Variants in KRR1 observed in about 807,000 individuals in gnomAD.
The protein encoded by KRR1 is KRR1 small subunit processome component.
KRR1 carries 23 observed loss-of-function variants against 50.0 expected under a neutral mutation model. The ratio of observed to expected loss-of-function variants is 0.46; its 90% CI spans 0.33 to 0.65. The LOEUF (loss-of-function observed/expected upper bound fraction) is 0.65, where lower values mean the gene tolerates loss of function less well. KRR1 is among the 30% of genes least tolerant of loss of function. The pLI is 0.02. For missense variants in KRR1, 419 were observed against 442.4 expected (o/e 0.95, Z 0.47); for synonymous variants, 133 against 146.3 (o/e 0.91, Z 0.66).
Position 75,496,233 on chromosome 12 carries a change from T to TA in KRR1, c.*3575dup, listed in dbSNP as rs2046351002. On this transcript the variant is annotated 3_prime_UTR_variant, in exon 10 of 10. Coordinates refer to ENST00000229214, the MANE Select transcript of KRR1 (RefSeq NM_007043.7). ...AGCTGGGTGTGGTGGTGGACGCCCG[T>TA]AACCCCAGCTACTCAGGAGGCTGAG... is the stretch of plus-strand genomic sequence containing the variant. 1 of 152,104 alleles carries TA rather than the reference T, an allele frequency of 6.6e-6. No individual in the cohort carries two copies. The highest frequency in any genetic ancestry group is 6.6e-5 in the Admixed American group (1 of 15,232). The allele number at this position is 152,104 out of a possible 1,614,324, so 9.4% of individuals were successfully genotyped here. A position where few individuals can be genotyped will look rare whatever the true frequency, so the allele number is the denominator to read the frequency against.
intron 1 of KRR1, among the ~76,000 whole-genome samples, chr12:75,510,750 C>T (rs745633994): frequency 6.6e-6 from 1 of 152,134 alleles, no homozygotes; most frequent in Non-Finnish European, 1.5e-5. Flanking sequence ...TTATTAAACT[C>T]TATATAAGTT....
Position 75,506,775 on chromosome 12 carries a change from G to C in KRR1, c.393+7C>G, listed in dbSNP as rs770689554. 6.8e-6 allele frequency: 11 copies of C among 1,607,988 alleles called. No individual in the cohort carries two copies. The highest frequency in any genetic ancestry group is 1.1e-5 in the South Asian group (1 of 89,870). The stretch of plus-strand genomic sequence containing the variant: ...ACAAAGCAAAGTCTCTGTAATTCTA[G>C]ATTTACCTGTTCAAATGAAACACTC... On this transcript the variant is annotated splice_region_variant and intron_variant, in intron 3 of 9. Coordinates refer to ENST00000229214, the MANE Select transcript of KRR1 (RefSeq NM_007043.7).
rs550222761 is a variant in KRR1 at position 75,502,302 on chromosome 12, A to C, written c.832-302T>G. 65 of 245,898 alleles carry C rather than the reference A, an allele frequency of 2.6e-4. 1 individual carries two copies. Among genetic ancestry groups the C allele is most frequent in the Admixed American group, 8.7e-4 (17 of 19,518 alleles). 15.2% of individuals were successfully genotyped at this position (245,898 alleles called of 1,614,324 possible). On this transcript the variant is annotated intron_variant, in intron 7 of 9. Transcript: ENST00000229214. ...AGAGAGTTTTGGGGAAAATTTGAAG[A>C]AGCTTCAATGGCAGACAAAGTAGGA...
At chr12:75,506,185 G>C (rs962769716) in intron 5 of KRR1, 131 bp downstream of exon 5, 13 of 613,096 alleles carry the variant, frequency 2.1e-5, no homozygotes, top group Non-Finnish European at 3.5e-5. Context: ...GACATAAAAA[G>C]TATTTACTAA....
chr12:75,503,589 A>G (rs2046408618), intron 7 of KRR1: 1 of 187,974 alleles, frequency 5.3e-6, no homozygotes, highest in Admixed American at 6.1e-5. Context: ...CACAGTCACA[A>G]TAATGTTGCC....
rs2046337703 is a variant in KRR1, at chr12:75,494,186, A to G, written c.*5623T>C. The G allele has an allele frequency of 6.6e-6, 1 of 152,222 alleles. No homozygotes were observed. Among genetic ancestry groups the G allele is most frequent in the South Asian group, 2.1e-4 (1 of 4,838 alleles). The allele number at this position is 152,222 out of a possible 1,614,324, so 9.4% of individuals were successfully genotyped here. A position where few individuals can be genotyped will look rare whatever the true frequency, so the allele number is the denominator to read the frequency against. On this transcript the variant is annotated 3_prime_UTR_variant, in exon 10 of 10. Coordinates refer to ENST00000229214, the MANE Select transcript of KRR1 (RefSeq NM_007043.7). Reference sequence around the variant, plus strand: ...GGGGTTGGAAATAAGGTATCGTTATAAAGTTGTGTGTCTAAGGTGAGAGTT... The same window carrying G: ...GGGGTTGGAAATAAGGTATCGTTATGAAGTTGTGTGTCTAAGGTGAGAGTT...
At position 75,494,212 on chromosome 12, in the gene KRR1, C is replaced by G. The variant is rs1373690207; in HGVS notation, c.*5597G>C. The G allele has an allele frequency of 6.6e-6, 1 of 152,122 alleles. No homozygotes were observed. Among genetic ancestry groups the G allele is most frequent in the African/African-American group, 2.4e-5 (1 of 41,422 alleles). The allele number at this position is 152,122 out of a possible 1,614,324, so 9.4% of individuals were successfully genotyped here. A position where few individuals can be genotyped will look rare whatever the true frequency, so the allele number is the denominator to read the frequency against. ...AAGTTGTGTGTCTAAGGTGAGAGTT[C>G]TCAACTTTGGAGGTAATTGTAGAGT... On this transcript the variant is annotated 3_prime_UTR_variant, in exon 10 of 10. Coordinates refer to ENST00000229214, the MANE Select transcript of KRR1 (RefSeq NM_007043.7).
At chr12:75,507,422 C>T (rs1279058877) in intron 2 of KRR1, among the ~76,000 whole-genome samples, 1 of 152,142 alleles carries the variant, frequency 6.6e-6, no homozygotes, top group African/African-American at 2.4e-5. Context: ...CATTAACTTT[C>T]AACAGGAAAA....
At chr12:75,502,915 A>G (rs1036674978) in intron 7 of KRR1, 1 of 151,968 alleles carries the variant, frequency 6.6e-6, no homozygotes, top group African/African-American at 2.4e-5. Flanking sequence ...CAAAACTTCC[A>G]TTGTTTTTTC....
intron 6 of KRR1, 130 bp from the exon 7 acceptor site, chr12:75,504,204 C>G (rs988437031): frequency 7.4e-6 from 4 of 541,232 alleles, no homozygotes; most frequent in Non-Finnish European, 1.2e-5. Flanking sequence ...GAAATTAAAC[C>G]AATTACATAA....
In KRR1 at chr12:75,495,803, T is replaced by C. The variant is rs978365525; in HGVS notation, c.*4006A>G. ...TCAAGTAGCAATTAAACCAATGGCT[T>C]ACTGTTCTAGGAATACATTTAAGAG... is the stretch of plus-strand genomic sequence containing the variant. On this transcript the variant is annotated 3_prime_UTR_variant, in exon 10 of 10. Transcript: ENST00000229214. 1 of 558,204 alleles carries C rather than the reference T, an allele frequency of 1.8e-6. No individual in the cohort carries two copies. Among genetic ancestry groups the C allele is most frequent in the Admixed American group, 2.9e-5 (1 of 34,500 alleles). The allele number at this position is 558,204 out of a possible 1,614,324, so 34.6% of individuals were successfully genotyped here.
chr12:75,498,849 C>A lies in KRR1; in HGVS notation c.*960G>T. ...GTTACTACTCTGTTGTATATCCAGG[C>A]TGGCCCATATATCCACGTAACAGAT... On this transcript the variant is annotated 3_prime_UTR_variant, in exon 10 of 10. Transcript: ENST00000229214. The A allele has an allele frequency of 6.2e-7, 1 of 1,612,260 alleles. No homozygotes were observed. The highest frequency in any genetic ancestry group is 1.1e-5 in the South Asian group (1 of 90,968).
At position 75,496,386 on chromosome 12, in the gene KRR1, T is replaced by C. The variant is rs975179459; in HGVS notation, c.*3423A>G. 6.6e-6 allele frequency: 1 copy of C among 151,974 alleles called. No homozygotes were observed. The highest frequency in any genetic ancestry group is 1.5e-5 in the Non-Finnish European group (1 of 67,990). 9.4% of individuals were successfully genotyped at this position (151,974 alleles called of 1,614,324 possible). A position where few individuals can be genotyped will look rare whatever the true frequency, so the allele number is the denominator to read the frequency against. On this transcript the variant is annotated 3_prime_UTR_variant, in exon 10 of 10. Transcript: ENST00000229214. ...ATGAAAATAAAATAAAGCTGCAACA[T>C]GGCACTTTTTATTAGCCAGACAGCA...
In KRR1 at chr12:75,499,777, GA is replaced by G; in HGVS notation, c.*31del. 1 of 1,528,788 alleles carries G rather than the reference GA, an allele frequency of 6.5e-7. No individual in the cohort carries two copies. The highest frequency in any genetic ancestry group is 1.2e-5 in the South Asian group (1 of 80,376). 94.7% of individuals were successfully genotyped at this position (1,528,788 alleles called of 1,614,324 possible). On this transcript the variant is annotated 3_prime_UTR_variant, in exon 10 of 10. Coordinates refer to ENST00000229214, the MANE Select transcript of KRR1 (RefSeq NM_007043.7). ...GATATCTCAAAATCCTTTACAAAAGGAGATAGTTCTAGTCAAGGAGTTTTGG... is the reference window on the plus strand; with the variant it reads ...GATATCTCAAAATCCTTTACAAAAGGGATAGTTCTAGTCAAGGAGTTTTGG...
rs1023522122 is a variant in KRR1, at chr12:75,497,213, A to T, written c.*2596T>A. 3.9e-5 allele frequency: 6 copies of T among 152,202 alleles called. No individual in the cohort carries two copies. Among genetic ancestry groups the T allele is most frequent in the Admixed American group, 6.5e-5 (1 of 15,268 alleles). 9.4% of individuals were successfully genotyped at this position (152,202 alleles called of 1,614,324 possible). Reference sequence around the variant, plus strand: ...CCCAGTGAAAAAAATGTTTCCCTTTAAAAATCTAGGCAATTAGTAACACTA... The same window carrying T: ...CCCAGTGAAAAAAATGTTTCCCTTTTAAAATCTAGGCAATTAGTAACACTA... On this transcript the variant is annotated 3_prime_UTR_variant, in exon 10 of 10. Transcript: ENST00000229214.
chr12:75,496,202 A>T lies in KRR1; in HGVS notation c.*3607T>A, dbSNP rs2046350781. ...AAAAACCCCCTCTACTAAAAATACA[A>T]AAACTAGCTGGGTGTGGTGGTGGAC... On this transcript the variant is annotated 3_prime_UTR_variant, in exon 10 of 10. Transcript: ENST00000229214. 1 of 152,020 alleles carries T rather than the reference A, an allele frequency of 6.6e-6. No homozygotes were observed. Among genetic ancestry groups the T allele is most frequent in the Non-Finnish European group, 1.5e-5 (1 of 68,182 alleles). The allele number at this position is 152,020 out of a possible 1,614,324, so 9.4% of individuals were successfully genotyped here.
At chr12:75,510,887 A>G (rs949140917) in intron 1 of KRR1, among the ~76,000 whole-genome samples, 24 of 152,236 alleles carry the variant, frequency 1.6e-4, no homozygotes, top group African/African-American at 5.5e-4. Flanking sequence ...CTGGTTGAAC[A>G]GATCCCCAGG....
At chr12:75,503,684 A>G in intron 7 of KRR1, 1 of 363,408 alleles carries the variant, frequency 2.8e-6, no homozygotes, top group African/African-American at 2.1e-5. Flanking sequence ...AACCTCCTGG[A>G]TGCAGTTTAT....
intron 2 of KRR1, among the ~76,000 whole-genome samples, chr12:75,507,613 A>G (rs2046428006): frequency 6.6e-6 from 1 of 152,158 alleles, no homozygotes; most frequent in Non-Finnish European, 1.5e-5. Context: ...CAGCTTGCTG[A>G]GCCACCTTCA....
Sources: gnomAD v4.1 joint callset for allele counts (sites outside exome capture counted in the v4.1 genomes callset) on GRCh38, gnomAD v4.1.1 for gene constraint, MANE v1.5 for transcripts, NCBI Gene and HGNC (gene_info 2026-07-23, HGNC 2026-07-21) for gene names.